PCCA: variants seen among roughly 807,000 people sequenced by gnomAD.
PCCA encodes propionyl-CoA carboxylase alpha chain, mitochondrial.
Under a neutral mutation model 101.3 loss-of-function variants are expected in PCCA, and 74 were observed. The ratio of observed to expected loss-of-function variants is 0.73; its 90% CI spans 0.61 to 0.89. PCCA has a LOEUF of 0.89. PCCA is among the 40% of genes least tolerant of loss of function. The probability of loss-of-function intolerance (pLI) is 0.00; values close to 1 mark genes in which losing one functional copy is unlikely to be tolerated. For synonymous variants in PCCA, 294 were observed against 313.6 expected (o/e 0.94, Z 0.66); for missense variants, 891 against 907.0 (o/e 0.98, Z 0.23).
chr13:100,198,316 C>T (rs7982776), intron 6 of PCCA: 106,413 of 152,130 alleles, frequency 0.7, 38,192 homozygotes, highest in African/African-American at 0.86. Flanking sequence ...GAACATTCTT[C>T]TTCTTTGCAA....
Position 100,230,539 on chromosome 13 carries a change from C to CAAA in PCCA, c.601-5290_601-5288dup, listed in dbSNP as rs112076583. Among the ~76,000 whole-genome samples the CAAA allele has an allele frequency of 1.1e-3, 128 of 121,858 alleles. 2 individuals carry two copies. Among genetic ancestry groups the CAAA allele is most frequent in the Non-Finnish European group, 1.7e-3 (95 of 57,268 alleles). 79.9% of individuals were successfully genotyped at this position (121,858 alleles called of 152,430 possible). ...CAGCCTGAGTGACAGACTCCCATCTCAAAAAAAAAAAAAAAGAAAGAACGT... is the reference window on the plus strand; with the variant it reads ...CAGCCTGAGTGACAGACTCCCATCTCAAAAAAAAAAAAAAAAAAGAAAGAACGT... On this transcript the variant is annotated intron_variant, in intron 7 of 23. Transcript: ENST00000376285.
intron 21 of PCCA, among the ~76,000 whole-genome samples, chr13:100,457,666 ACT>A (rs1341491005): frequency 6.6e-6 from 1 of 152,140 alleles, no homozygotes; most frequent in Non-Finnish European, 1.5e-5. Flanking sequence ...GGAGGGAGAC[ACT>A]CTACCAAGGC....
chr13:100,392,334 G>A (rs977423490), intron 19 of PCCA, among the ~76,000 whole-genome samples: 4 of 152,256 alleles, frequency 2.6e-5, no homozygotes, highest in Admixed American at 6.5e-5. Context: ...GCAGATATGC[G>A]TTGACAATTG....
chr13:100,323,802 T>G lies in PCCA; in HGVS notation c.1430-6759T>G, dbSNP rs2068334926. The stretch of plus-strand genomic sequence containing the variant: ...GCCCAGCATTGCATTAAGCATTATA[T>G]CATTTATACCTGATAACAATCATGC... On this transcript the variant is annotated intron_variant, in intron 16 of 23. Transcript: ENST00000376285. Among the ~76,000 whole-genome samples the G allele has an allele frequency of 1.3e-5, 2 of 152,202 alleles. 1 individual carries two copies. Among genetic ancestry groups the G allele is most frequent in the South Asian group, 4.1e-4 (2 of 4,830 alleles).
intron 8 of PCCA, among the ~76,000 whole-genome samples, chr13:100,255,489 G>T (rs918015002): frequency 1.3e-5 from 2 of 152,176 alleles, no homozygotes; most frequent in African/African-American, 4.8e-5. Flanking sequence ...GGAACTGAAT[G>T]TAGTGGAGAT....
intron 19 of PCCA, among the ~76,000 whole-genome samples, chr13:100,422,106 C>CTTTCTTTCTTCCTTTCT (rs2078841985): frequency 8.3e-6 from 1 of 119,970 alleles, no homozygotes; most frequent in Admixed American, 8.4e-5. Flanking sequence ...TTCTTTCTTT[C>CTTTCTTTCTTCCTTTCT]TTTCTTTCTT....
At chr13:100,172,347 A>G (rs1403920392) in intron 6 of PCCA, among the ~76,000 whole-genome samples, 1 of 152,178 alleles carries the variant, frequency 6.6e-6, no homozygotes, top group Non-Finnish European at 1.5e-5. Context: ...TTTAAAAACA[A>G]ATATTTTTTA....
chr13:100,478,581 G>A (rs1596089878), intron 21 of PCCA, among the ~76,000 whole-genome samples: 1 of 152,320 alleles, frequency 6.6e-6, no homozygotes, highest in South Asian at 2.1e-4. Context: ...GCTTCCAGGA[G>A]CTGCTGCTGT....
At chr13:100,475,276 T>C (rs1047606822) in intron 21 of PCCA, among the ~76,000 whole-genome samples, 1 of 152,132 alleles carries the variant, frequency 6.6e-6, no homozygotes, top group African/African-American at 2.4e-5. Context: ...TTAAAACATT[T>C]TCATCACCCC....
chr13:100,445,145 T>C (rs1474129463), intron 20 of PCCA, among the ~76,000 whole-genome samples: 1 of 152,020 alleles, frequency 6.6e-6, no homozygotes, highest in Non-Finnish European at 1.5e-5. Context: ...CCAGGCTCTT[T>C]TAAACAACCA....
At chr13:100,403,885 T>G (rs2077515542) in intron 19 of PCCA, among the ~76,000 whole-genome samples, 1 of 152,116 alleles carries the variant, frequency 6.6e-6, no homozygotes, top group Non-Finnish European at 1.5e-5. Flanking sequence ...AGTGCGCAGC[T>G]GGTTGGAATT....
intron 21 of PCCA, among the ~76,000 whole-genome samples, chr13:100,458,256 G>A (rs867450250): frequency 6.7e-6 from 1 of 149,888 alleles, no homozygotes; most frequent in African/African-American, 2.4e-5. Context: ...GAGCCCAGGA[G>A]TTCAAGACCA....
intron 6 of PCCA, among the ~76,000 whole-genome samples, chr13:100,166,936 T>C (rs1026056711): frequency 1.3e-5 from 2 of 152,202 alleles, no homozygotes; most frequent in African/African-American, 4.8e-5. Flanking sequence ...TACTATGTAG[T>C]GATGTCTTAT....
intron 12 of PCCA, among the ~76,000 whole-genome samples, chr13:100,276,718 G>A (rs1034823295): frequency 6.6e-6 from 1 of 151,510 alleles, no homozygotes; most frequent in African/African-American, 2.4e-5. Flanking sequence ...TTATATTTCA[G>A]TTCTGAAATT....
At position 100,273,398 on chromosome 13, in the gene PCCA, C is replaced by T. The variant is rs779198306; in HGVS notation, c.1065+52C>T. The T allele has an allele frequency of 2.5e-5, 35 of 1,392,962 alleles. No homozygotes were observed. In the Admixed American group the frequency reaches 5.9e-4, roughly 23 times the overall value. The allele number at this position is 1,392,962 out of a possible 1,614,324, so 86.3% of individuals were successfully genotyped here. On this transcript the variant is annotated intron_variant, in intron 12 of 23. Coordinates refer to ENST00000376285, the MANE Select transcript of PCCA (RefSeq NM_000282.4). ...TCCATGCCTCTGTACTTTACCCTTC[C>T]TTCTCCACCCTTTTTTGTTTTATAA...
intron 21 of PCCA, among the ~76,000 whole-genome samples, chr13:100,474,394 C>T (rs1026227653): frequency 2.0e-5 from 3 of 151,808 alleles, no homozygotes; most frequent in African/African-American, 7.3e-5. Context: ...TTTATTGCAA[C>T]GTTGCTGCTT....
chr13:100,244,368 T>C (rs540616710), intron 8 of PCCA, among the ~76,000 whole-genome samples: 1 of 152,318 alleles, frequency 6.6e-6, no homozygotes, highest in African/African-American at 2.4e-5. Flanking sequence ...TATTTTCTTT[T>C]ATTATTCCAA....
intron 21 of PCCA, among the ~76,000 whole-genome samples, chr13:100,484,447 C>T (rs2084204633): frequency 6.6e-6 from 1 of 152,216 alleles, no homozygotes; most frequent in Non-Finnish European, 1.5e-5. Context: ...TAGAGAAACT[C>T]ATCAGACTGC....
chr13:100,478,641 C>G (rs578101196), intron 21 of PCCA, among the ~76,000 whole-genome samples: 1 of 152,280 alleles, frequency 6.6e-6, no homozygotes, highest in African/African-American at 2.4e-5. Flanking sequence ...GGAGGGCTCG[C>G]CTGCCTCTTC....
Sources: gnomAD v4.1 joint callset for allele counts (sites outside exome capture counted in the v4.1 genomes callset) on GRCh38, gnomAD v4.1.1 for gene constraint, MANE v1.5 for transcripts, NCBI Gene and HGNC (gene_info 2026-07-23, HGNC 2026-07-21) for gene names.